Variants in ITGAV observed in about 807,000 individuals in gnomAD.
ITGAV encodes integrin subunit alpha V.
ITGAV carries 76 observed loss-of-function variants against 143.8 expected under a neutral mutation model. The observed-to-expected ratio is 0.53, with a 90% CI of 0.44 to 0.64. The LOEUF (loss-of-function observed/expected upper bound fraction) is 0.64, where lower values mean the gene tolerates loss of function less well. ITGAV is among the 30% of genes least tolerant of loss of function. ITGAV has a pLI of 0.00. For missense variants in ITGAV, 1,193 were observed against 1,274.7 expected (o/e 0.94, Z 0.98); for synonymous variants, 453 against 446.7 (o/e 1.01, Z -0.18).
At position 186,667,636 on chromosome 2, in the gene ITGAV, A is replaced by G. The variant is rs199927322; in HGVS notation, c.2328-35A>G. ...AAAATGAACTGACTATATCATTTTG[A>G]TATTCATGGTAGGTTTTCTTTGGTC... On this transcript the variant is annotated intron_variant, in intron 23 of 29. Coordinates refer to ENST00000261023, the MANE Select transcript of ITGAV (RefSeq NM_002210.5). 2.6e-6 allele frequency: 3 copies of G among 1,152,774 alleles called. No homozygotes were observed. The South Asian group carries it at 3.9e-5, about 15-fold the overall frequency. The allele number at this position is 1,152,774 out of a possible 1,614,324, so 71.4% of individuals were successfully genotyped here. A position where few individuals can be genotyped will look rare whatever the true frequency, so the allele number is the denominator to read the frequency against.
At chr2:186,618,347 T>C (rs1473470591) in intron 2 of ITGAV, among the ~76,000 whole-genome samples, 2 of 152,238 alleles carry the variant, frequency 1.3e-5, no homozygotes, top group East Asian at 1.9e-4. Context: ...GGTGCCAATA[T>C]ACGCCAATGC....
Position 186,675,918 on chromosome 2 carries a change from C to A in ITGAV, c.2919C>A (p.Asn973Lys). ...YKNLPIEDIT[N>K]STLVTTNVTW... ...ATCTTCCAATTGAGGATATCACCAA[C>A]TCCACATTGGTAAGTCATTGGTTTA... The change falls in exon 28 of 30, where the codon AAC (asparagine) becomes AAA (lysine). Residue 973 changes from asparagine to lysine, a missense_variant. Asn to Lys is a moderately conservative substitution (Grantham distance 94). Coordinates refer to ENST00000261023, the MANE Select transcript of ITGAV (RefSeq NM_002210.5). The A allele has an allele frequency of 1.3e-6, 2 of 1,537,098 alleles. No homozygotes were observed. The highest frequency in any genetic ancestry group is 1.8e-6 in the Non-Finnish European group (2 of 1,110,450).
intron 18 of ITGAV, among the ~76,000 whole-genome samples, chr2:186,659,466 G>C (rs1688682404): frequency 6.6e-6 from 1 of 151,686 alleles, no homozygotes; most frequent in Admixed American, 6.6e-5. Flanking sequence ...GTGCCAGTTT[G>C]TTTACATAGT....
At chr2:186,640,012 A>T (rs1172436760) in intron 10 of ITGAV, among the ~76,000 whole-genome samples, 1 of 152,222 alleles carries the variant, frequency 6.6e-6, no homozygotes, top group Admixed American at 6.5e-5. Flanking sequence ...AACCCAAAAT[A>T]GATAATGCAG....
At chr2:186,598,247 C>T (rs969815771) in intron 1 of ITGAV, among the ~76,000 whole-genome samples, 21 of 149,936 alleles carry the variant, frequency 1.4e-4, no homozygotes, top group Admixed American at 4.7e-4. Flanking sequence ...ATTTTAGACC[C>T]GTAGAAAAAA....
chr2:186,621,927 T>C (rs1012400465), intron 2 of ITGAV, among the ~76,000 whole-genome samples: 1 of 152,226 alleles, frequency 6.6e-6, no homozygotes, highest in Admixed American at 6.5e-5. Context: ...CTCAGTCTTG[T>C]CTTTTATAGC....
At chr2:186,605,401 A>T (rs1687030992) in intron 2 of ITGAV, among the ~76,000 whole-genome samples, 1 of 152,178 alleles carries the variant, frequency 6.6e-6, no homozygotes, top group Non-Finnish European at 1.5e-5. Context: ...TCATTTTGAG[A>T]ATTGCTCAGA....
At chr2:186,657,582 T>C (rs1478908001) in intron 17 of ITGAV, among the ~76,000 whole-genome samples, 1 of 152,148 alleles carries the variant, frequency 6.6e-6, no homozygotes, top group Non-Finnish European at 1.5e-5. Context: ...AACAGTAGAA[T>C]GTAAAGATAA....
At chr2:186,643,465 T>G (rs1390219208) in intron 12 of ITGAV, among the ~76,000 whole-genome samples, 1 of 152,210 alleles carries the variant, frequency 6.6e-6, no homozygotes, top group African/African-American at 2.4e-5. Flanking sequence ...ATTTAGTACA[T>G]ATGTGCAAAT....
At chr2:186,638,648 G>GTGTGTA (rs1688017479) in intron 10 of ITGAV, among the ~76,000 whole-genome samples, 183 bp downstream of exon 10, 1 of 151,326 alleles carries the variant, frequency 6.6e-6, no homozygotes, top group African/African-American at 2.4e-5. Flanking sequence ...GTGTGTGTGT[G>GTGTGTA]TGTGTGTGTG....
chr2:186,592,033 C>A (rs564713279), intron 1 of ITGAV, among the ~76,000 whole-genome samples: 1 of 152,152 alleles, frequency 6.6e-6, no homozygotes, highest in Non-Finnish European at 1.5e-5. Context: ...CAAGTGTATA[C>A]CTTCATGAGA....
At chr2:186,654,488 T>C (rs1041986591) in intron 15 of ITGAV, among the ~76,000 whole-genome samples, 162 bp from the exon 16 acceptor site, 33 of 152,186 alleles carry the variant, frequency 2.2e-4, no homozygotes, top group Non-Finnish European at 1.0e-4. Context: ...TGAGTTAGGT[T>C]AGTGTATATA....
chr2:186,665,232 A>G lies in ITGAV; in HGVS notation c.2166+14A>G, dbSNP rs200818477. 45 of 1,525,362 alleles carry G rather than the reference A, an allele frequency of 3.0e-5. No individual in the cohort carries two copies. The East Asian group carries it at 4.3e-4, about 14-fold the overall frequency. 94.5% of individuals were successfully genotyped at this position (1,525,362 alleles called of 1,614,324 possible). A position where few individuals can be genotyped will look rare whatever the true frequency, so the allele number is the denominator to read the frequency against. ...GCTGGAACTCAAGTAAGACAATTTA[A>G]TTAAACGGATTTTTCTCCCTGGCAA... On this transcript the variant is annotated intron_variant, in intron 21 of 29. Coordinates refer to ENST00000261023, the MANE Select transcript of ITGAV (RefSeq NM_002210.5).
chr2:186,649,147 C>A (rs1688353639), intron 13 of ITGAV, among the ~76,000 whole-genome samples: 1 of 150,604 alleles, frequency 6.6e-6, no homozygotes, highest in African/African-American at 2.4e-5. Flanking sequence ...TTTTTTTAAA[C>A]TTTCACAGTG....
chr2:186,595,461 A>G (rs1686725127), intron 1 of ITGAV, among the ~76,000 whole-genome samples: 1 of 152,054 alleles, frequency 6.6e-6, no homozygotes, highest in Admixed American at 6.5e-5. Context: ...TCTCCCTCTC[A>G]CTGCCTCCTC....
At chr2:186,645,840 C>T (rs769701687) in intron 12 of ITGAV, among the ~76,000 whole-genome samples, 30 of 151,806 alleles carry the variant, frequency 2.0e-4, no homozygotes, top group Non-Finnish European at 3.7e-4. Flanking sequence ...GGCATGGTGG[C>T]GGGCGCCTGT....
At chr2:186,596,111 C>T (rs1021196774) in intron 1 of ITGAV, among the ~76,000 whole-genome samples, 7 of 152,130 alleles carry the variant, frequency 4.6e-5, no homozygotes, top group African/African-American at 1.2e-4. Flanking sequence ...CTTGTATTTT[C>T]GTGGTGTTTC....
intron 12 of ITGAV, among the ~76,000 whole-genome samples, chr2:186,645,477 G>T (rs143540875): frequency 2.0e-5 from 3 of 152,220 alleles, no homozygotes; most frequent in Non-Finnish European, 2.9e-5. Flanking sequence ...TGGATGGCGT[G>T]GGGGTGGGGA....
intron 2 of ITGAV, among the ~76,000 whole-genome samples, chr2:186,619,384 T>C (rs1687459915): frequency 6.6e-6 from 1 of 152,004 alleles, no homozygotes; most frequent in African/African-American, 2.4e-5. Context: ...ATGTAGAAGA[T>C]ACTAGAGGCT....
Sources: allele counts gnomAD v4.1 joint callset (sites outside exome capture counted in the v4.1 genomes callset), GRCh38; gene constraint gnomAD v4.1.1; transcripts MANE v1.5; gene names NCBI Gene and HGNC (gene_info 2026-07-23, HGNC 2026-07-21).